Variants in ARHGAP8 observed in about 807,000 individuals in gnomAD.
The protein encoded by ARHGAP8 is rho GTPase-activating protein 8.
Under a neutral mutation model 46.1 loss-of-function variants are expected in ARHGAP8, and 62 were observed. That is an observed-to-expected ratio of 1.34 (90% CI 1.10 to 1.66). The LOEUF is 1.66. Among genes scored for constraint, ARHGAP8 ranks in the 40% most tolerant of loss-of-function variants. The pLI, the probability that ARHGAP8 is intolerant of heterozygous loss-of-function variation, is 0.00. For missense variants in ARHGAP8, 923 were observed against 568.4 expected, an observed-to-expected ratio of 1.62 and a Z score of -6.34; for synonymous variants, 375 against 243.1, an observed-to-expected ratio of 1.54 and a Z score of -5.05.
Position 44,802,824 on chromosome 22 carries a change from C to G in ARHGAP8, c.167+660C>G, listed in dbSNP as rs556462899. ...TTTTTGCCTCTGTGTCTTCCCATCTCATAAGGACACCAGCCACGGGACTAG... is the reference window on the plus strand; with the variant it reads ...TTTTTGCCTCTGTGTCTTCCCATCTGATAAGGACACCAGCCACGGGACTAG... On this transcript the variant is annotated intron_variant, in intron 3 of 11. Coordinates refer to ENST00000356099, the MANE Select transcript of ARHGAP8 (RefSeq NM_181335.3). Among the ~76,000 whole-genome samples the G allele has an allele frequency of 1.7e-3, 262 of 152,288 alleles. 1 individual carries two copies. The highest frequency in any genetic ancestry group is 6.0e-3 in the African/African-American group (251 of 41,548).
chr22:44,842,390 G>C (rs983003316), intron 7 of ARHGAP8, among the ~76,000 whole-genome samples: 4 of 152,054 alleles, frequency 2.6e-5, no homozygotes, highest in African/African-American at 7.3e-5. Context: ...AAACAGCACA[G>C]GTCTTGCATA....
intron 10 of ARHGAP8, among the ~76,000 whole-genome samples, chr22:44,854,688 G>C (rs1337921355): frequency 6.6e-6 from 1 of 152,166 alleles, no homozygotes; most frequent in Non-Finnish European, 1.5e-5. Context: ...GCCCAGGCTG[G>C]AGTGCAATGG....
At chr22:44,816,430 G>A (rs532717135) in intron 5 of ARHGAP8, among the ~76,000 whole-genome samples, 2 of 152,172 alleles carry the variant, frequency 1.3e-5, no homozygotes, top group Non-Finnish European at 1.5e-5. Flanking sequence ...ACACTGCCCC[G>A]TCCCACCCTT....
At chr22:44,764,398 C>T (rs918204664) in intron 1 of ARHGAP8, among the ~76,000 whole-genome samples, 1 of 152,234 alleles carries the variant, frequency 6.6e-6, no homozygotes, top group Non-Finnish European at 1.5e-5. Context: ...GTGACAGCCA[C>T]GTCCTGGTGC....
At chr22:44,839,528 G>C (rs1289198399) in intron 7 of ARHGAP8, among the ~76,000 whole-genome samples, 1 of 152,162 alleles carries the variant, frequency 6.6e-6, no homozygotes, top group Non-Finnish European at 1.5e-5. Flanking sequence ...ACGTTCCCAG[G>C]GGGCCGTGGA....
chr22:44,785,783 TAGG>T (rs1219112468), intron 1 of ARHGAP8, among the ~76,000 whole-genome samples: 1 of 152,128 alleles, frequency 6.6e-6, no homozygotes, highest in Non-Finnish European at 1.5e-5. Context: ...AGATTCAACT[TAGG>T]AGGGCAGCCT....
At chr22:44,776,704 C>A (rs1371353516) in intron 1 of ARHGAP8, among the ~76,000 whole-genome samples, 1 of 152,102 alleles carries the variant, frequency 6.6e-6, no homozygotes, top group Non-Finnish European at 1.5e-5. Context: ...ACTGGGCACT[C>A]CGGGAGGATT....
chr22:44,786,760 A>C (rs1261459140), intron 2 of ARHGAP8, among the ~76,000 whole-genome samples, 154 bp downstream of exon 2: 1 of 152,092 alleles, frequency 6.6e-6, no homozygotes, highest in Non-Finnish European at 1.5e-5. Flanking sequence ...CATACCTTTA[A>C]TCCTAGCACT....
chr22:44,815,695 C>G lies in ARHGAP8; in HGVS notation c.386+937C>G, dbSNP rs912943033. ...AGCTTCTTCCATATTTAGACTTGTT[C>G]CTGCTAAAGGATTTCTGCCTCAGTA... On this transcript the variant is annotated intron_variant, in intron 5 of 11. Coordinates refer to ENST00000356099, the MANE Select transcript of ARHGAP8 (RefSeq NM_181335.3). 1.3e-5 allele frequency among the ~76,000 whole-genome samples: 2 copies of G among 152,164 alleles called. 1 individual carries two copies. The highest frequency in any genetic ancestry group is 4.1e-4 in the South Asian group (2 of 4,836).
intron 1 of ARHGAP8, among the ~76,000 whole-genome samples, chr22:44,780,787 C>A (rs974129876): frequency 7.9e-5 from 12 of 152,360 alleles, no homozygotes; most frequent in Admixed American, 2.0e-4. Flanking sequence ...TTGCTTTATG[C>A]AGATTTAAAT....
chr22:44,781,586 C>T lies in ARHGAP8; in HGVS notation c.-71-4871C>T, dbSNP rs930589637. 7.2e-5 allele frequency among the ~76,000 whole-genome samples: 11 copies of T among 151,930 alleles called. 1 individual carries two copies. The East Asian group carries it at 9.7e-4, about 13-fold the overall frequency. ...TTGCCCAAGCTGGAGTGCGATGGCG[C>T]GATCTCAGCTCACTGCAGCCTCCGG... On this transcript the variant is annotated intron_variant, in intron 1 of 11. Transcript: ENST00000356099.
intron 7 of ARHGAP8, among the ~76,000 whole-genome samples, chr22:44,838,810 G>C (rs1931460532): frequency 6.6e-6 from 1 of 152,184 alleles, no homozygotes; most frequent in Non-Finnish European, 1.5e-5. Context: ...CTGTGACATG[G>C]ACCACCTGTG....
At chr22:44,778,869 A>G (rs1926613888) in intron 1 of ARHGAP8, among the ~76,000 whole-genome samples, 1 of 152,124 alleles carries the variant, frequency 6.6e-6, no homozygotes, top group African/African-American at 2.4e-5. Context: ...CTAACCCCAC[A>G]TTAAAAGGTA....
intron 6 of ARHGAP8, among the ~76,000 whole-genome samples, chr22:44,823,948 A>T (rs754948761): frequency 6.6e-6 from 1 of 152,084 alleles, no homozygotes; most frequent in East Asian, 1.9e-4. Context: ...GAACTTACTC[A>T]GTAGGCAGCC....
At chr22:44,753,729 C>CG (rs1924442956) in intron 1 of ARHGAP8, among the ~76,000 whole-genome samples, 1 of 152,102 alleles carries the variant, frequency 6.6e-6, no homozygotes, top group Non-Finnish European at 1.5e-5. Context: ...AGAGTCCACC[C>CG]GGGAAGGAGG....
intron 2 of ARHGAP8, among the ~76,000 whole-genome samples, chr22:44,787,691 A>C (rs1480626893): frequency 6.6e-6 from 1 of 152,042 alleles, no homozygotes; most frequent in Non-Finnish European, 1.5e-5. Context: ...TCCCATGGGC[A>C]GTGAGTCCAA....
At chr22:44,817,429 G>A (rs2092144724) in intron 5 of ARHGAP8, among the ~76,000 whole-genome samples, 1 of 152,224 alleles carries the variant, frequency 6.6e-6, no homozygotes, top group Non-Finnish European at 1.5e-5. Flanking sequence ...TGTTTAACCA[G>A]GCCCAGCACC....
chr22:44,793,825 T>C (rs1361750229), intron 2 of ARHGAP8, among the ~76,000 whole-genome samples: 2 of 152,246 alleles, frequency 1.3e-5, no homozygotes, highest in African/African-American at 2.4e-5. Flanking sequence ...TTATATCATA[T>C]TGAAGCCTGG....
At chr22:44,854,080 C>T (rs1208937376) in intron 10 of ARHGAP8, among the ~76,000 whole-genome samples, 1 of 137,826 alleles carries the variant, frequency 7.3e-6, no homozygotes, top group Non-Finnish European at 1.5e-5. Context: ...ACTTTGCCTG[C>T]AGTATCTGTA....
Sources: gnomAD v4.1 joint callset for allele counts (sites outside exome capture counted in the v4.1 genomes callset) on GRCh38, gnomAD v4.1.1 for gene constraint, MANE v1.5 for transcripts, NCBI Gene and HGNC (gene_info 2026-07-23, HGNC 2026-07-21) for gene names.